Variants in GREB1L observed in about 807,000 individuals in gnomAD.
GREB1L encodes GREB1-like protein.
In GREB1L, 17 loss-of-function variants were observed where a neutral mutation model predicts 200.8. The observed-to-expected ratio is 0.08, with a 90% CI of 0.06 to 0.13. The LOEUF (loss-of-function observed/expected upper bound fraction) is 0.13. Ranked by LOEUF, GREB1L falls within the 10% of genes least tolerant of loss-of-function variation. GREB1L has a pLI of 1.00. For missense variants in GREB1L, 1,657 were observed against 2,367.7 expected (o/e 0.70, Z 6.23); for synonymous variants, 789 against 893.0 (o/e 0.88, Z 2.08).
chr18:21,509,261 G>A (rs1014660804), intron 27 of GREB1L, among the ~76,000 whole-genome samples: 1 of 152,224 alleles, frequency 6.6e-6, no homozygotes, highest in Non-Finnish European at 1.5e-5. Context: ...TTAGAGCTGC[G>A]CTCTTCTGGA....
chr18:21,454,277 T>A (rs1170911237), intron 14 of GREB1L, 89 bp from the exon 15 acceptor site: 3 of 792,216 alleles, frequency 3.8e-6, no homozygotes, highest in Non-Finnish European at 6.2e-6. Flanking sequence ...TACATTACCG[T>A]CTGTGTGGTA....
At chr18:21,289,227 A>G (rs988783732) in intron 1 of GREB1L, among the ~76,000 whole-genome samples, 7 of 152,132 alleles carry the variant, frequency 4.6e-5, no homozygotes, top group African/African-American at 1.7e-4. Flanking sequence ...TACAATGGTA[A>G]AAATTTACCA....
intron 2 of GREB1L, among the ~76,000 whole-genome samples, chr18:21,377,705 A>T (rs551614821): frequency 1.8e-4 from 28 of 151,898 alleles, no homozygotes; most frequent in Non-Finnish European, 2.4e-4. Context: ...GTCTCAAAAA[A>T]TTTTTTTAAA....
At chr18:21,300,456 C>T (rs1478247478) in intron 1 of GREB1L, among the ~76,000 whole-genome samples, 1 of 152,168 alleles carries the variant, frequency 6.6e-6, no homozygotes, top group African/African-American at 2.4e-5. Flanking sequence ...TTTTCTTTTG[C>T]TCCAAAGCCA....
intron 15 of GREB1L, among the ~76,000 whole-genome samples, chr18:21,463,319 G>A (rs889354152): frequency 1.3e-5 from 2 of 151,146 alleles, no homozygotes; most frequent in Admixed American, 6.6e-5. Flanking sequence ...CTAATTTTTT[G>A]TATTTTTAAT....
intron 23 of GREB1L, among the ~76,000 whole-genome samples, chr18:21,502,961 C>A (rs1012572920): frequency 1.3e-5 from 2 of 152,172 alleles, no homozygotes; most frequent in Non-Finnish European, 2.9e-5. Context: ...GGCTTTCTCC[C>A]TTCTCCCTCA....
At chr18:21,377,292 TA>T (rs1311872726) in intron 2 of GREB1L, among the ~76,000 whole-genome samples, 2 of 151,736 alleles carry the variant, frequency 1.3e-5, no homozygotes, top group Non-Finnish European at 2.9e-5. Context: ...GCTTGGGAAA[TA>T]GGTGCCTGCT....
Position 21,496,504 on chromosome 18 carries a change from G to T in GREB1L, c.3197G>T (p.Arg1066Leu). 2 of 1,551,668 alleles carry T rather than the reference G, an allele frequency of 1.3e-6. No homozygotes were observed. The highest frequency in any genetic ancestry group is 2.4e-5 in the East Asian group (1 of 40,912). ...TTAATTGACTCAAGCTATTTAACTCGCACGGCCTTGGAGCAGGAGGTGGGT... is the reference window on the plus strand; with the variant it reads ...TTAATTGACTCAAGCTATTTAACTCTCACGGCCTTGGAGCAGGAGGTGGGT... ...LRLIDSSYLTRTALEQEVGLA... is the reference protein window; with the variant it reads ...LRLIDSSYLTLTALEQEVGLA... Residue 1066 changes from arginine to leucine, a missense_variant, in exon 21 of 33, where the codon CGC becomes CTC. This residue lies in a region of GREB1L where 512 missense variants were observed against 668.3 expected (regional missense o/e 0.77). Transcript: ENST00000424526.
intron 21 of GREB1L, among the ~76,000 whole-genome samples, chr18:21,498,566 C>A (rs563405309): frequency 1.3e-5 from 2 of 152,286 alleles, no homozygotes; most frequent in East Asian, 3.9e-4. Flanking sequence ...TCTTCCGTCC[C>A]ACTCCTTCCT....
chr18:21,520,619 A>T lies in GREB1L; in HGVS notation c.5473-69A>T, dbSNP rs574987493. ...TAGAGAAAAAGGAAGGTACTGAGTC[A>T]TTCTGCTGAACTGCAGATATTTTGC... On this transcript the variant is annotated intron_variant, in intron 31 of 32. Coordinates refer to ENST00000424526, the MANE Select transcript of GREB1L (RefSeq NM_001142966.3). 1.9e-5 allele frequency: 29 copies of T among 1,489,270 alleles called. No individual in the cohort carries two copies. In the East Asian group the frequency reaches 6.4e-4, roughly 33 times the overall value. 92.3% of individuals were successfully genotyped at this position (1,489,270 alleles called of 1,614,324 possible).
At chr18:21,404,821 G>GT (rs1192879747) in intron 7 of GREB1L, among the ~76,000 whole-genome samples, 21 of 152,344 alleles carry the variant, frequency 1.4e-4, no homozygotes, top group African/African-American at 4.6e-4. Flanking sequence ...CAGTTCACTT[G>GT]TTTTTTGTGG....
intron 17 of GREB1L, among the ~76,000 whole-genome samples, chr18:21,478,026 T>C (rs1250931065): frequency 2.0e-5 from 3 of 152,240 alleles, no homozygotes; most frequent in African/African-American, 7.2e-5. Flanking sequence ...TTCATATGAT[T>C]AATTTCACCC....
chr18:21,352,577 G>A (rs2039449623), intron 1 of GREB1L, among the ~76,000 whole-genome samples: 1 of 151,672 alleles, frequency 6.6e-6, no homozygotes, highest in African/African-American at 2.4e-5. Context: ...GTGATTGCAG[G>A]TGCATGCCAC....
chr18:21,401,413 G>T (rs1053046527), intron 6 of GREB1L, 87 bp downstream of exon 6: 1 of 1,120,526 alleles, frequency 8.9e-7, no homozygotes, highest in Non-Finnish European at 1.2e-6. Context: ...AGTTCAGGTG[G>T]GATACAGATA....
intron 4 of GREB1L, among the ~76,000 whole-genome samples, chr18:21,392,352 A>AT (rs34463096): frequency 4.6e-5 from 7 of 150,926 alleles, no homozygotes; most frequent in East Asian, 1.9e-4. Flanking sequence ...GACACAGCAG[A>AT]TTTTTTTTTT....
At chr18:21,522,452 G>A (rs2037620122) in intron 32 of GREB1L, among the ~76,000 whole-genome samples, 1 of 151,920 alleles carries the variant, frequency 6.6e-6, no homozygotes, top group African/African-American at 2.4e-5. Flanking sequence ...CCAGCCTGGA[G>A]ACAGAGCAAG....
chr18:21,473,928 A>T (rs1015777251), intron 16 of GREB1L, among the ~76,000 whole-genome samples: 3 of 151,994 alleles, frequency 2.0e-5, no homozygotes, highest in South Asian at 4.2e-4. Context: ...AAAAGCAGAA[A>T]CCTCTGATAA....
At chr18:21,370,817 G>A (rs1218803060) in intron 2 of GREB1L, among the ~76,000 whole-genome samples, 3 of 152,144 alleles carry the variant, frequency 2.0e-5, no homozygotes, top group South Asian at 2.1e-4. Flanking sequence ...AGTGGCTCAC[G>A]CCTATAATTC....
chr18:21,411,470 TG>T (rs1321008381), intron 7 of GREB1L, among the ~76,000 whole-genome samples: 1 of 151,968 alleles, frequency 6.6e-6, no homozygotes, highest in Non-Finnish European at 1.5e-5. Flanking sequence ...CCTCCCAAAG[TG>T]CTGGGATTAC....
Sources: allele counts gnomAD v4.1 joint callset (sites outside exome capture counted in the v4.1 genomes callset), GRCh38; gene constraint gnomAD v4.1.1; regional missense constraint gnomAD v4.1.1; transcripts MANE v1.5; gene names NCBI Gene and HGNC (gene_info 2026-07-23, HGNC 2026-07-21).